Variants in PACSIN2 observed in about 807,000 individuals in gnomAD.
PACSIN2 encodes the protein protein kinase C and casein kinase substrate in neurons protein 2.
A neutral mutation model predicts 63.8 loss-of-function variants in PACSIN2; 25 were observed. That is an observed-to-expected ratio of 0.39 (90% CI 0.29 to 0.55). PACSIN2 has a LOEUF of 0.55. Ranked by LOEUF, PACSIN2 falls within the 20% of genes least tolerant of loss-of-function variation. The pLI is 0.62. For synonymous variants in PACSIN2, 255 were observed against 256.2 expected, an observed-to-expected ratio of 1.00 and a Z score of 0.05; for missense variants, 518 against 646.9, an observed-to-expected ratio of 0.80 and a Z score of 2.16.
rs565131660 is a variant in PACSIN2, at chr22:42,970,246, G to A, written c.-78+44775C>T. 1.5e-3 allele frequency among the ~76,000 whole-genome samples: 229 copies of A among 152,332 alleles called. 2 individuals carry two copies. Among genetic ancestry groups the A allele is most frequent in the Admixed American group, 0.015 (227 of 15,294 alleles). On this transcript the variant is annotated intron_variant, in intron 1 of 10. Transcript: ENST00000263246. ...CGCAAGGTTAACATCACGGTGGTGA[G>A]TCATGGCAGTATCAGGTGCCTCCTG...
At chr22:42,903,274 T>C (rs1049126331) in intron 2 of PACSIN2, among the ~76,000 whole-genome samples, 8 of 152,352 alleles carry the variant, frequency 5.3e-5, no homozygotes, top group Admixed American at 5.2e-4. Flanking sequence ...TGCGTGTGCC[T>C]GGCAGATGTT....
chr22:42,896,579 A>T (rs766599075), intron 2 of PACSIN2, among the ~76,000 whole-genome samples: 1 of 152,250 alleles, frequency 6.6e-6, no homozygotes, highest in Non-Finnish European at 1.5e-5. Flanking sequence ...TTATGAATAA[A>T]GAAGCTATAA....
intron 1 of PACSIN2, among the ~76,000 whole-genome samples, chr22:42,987,932 G>A (rs1490012524): frequency 6.6e-6 from 1 of 152,086 alleles, no homozygotes; most frequent in African/African-American, 2.4e-5. Context: ...CTTGAGGTCA[G>A]GAGTTCAAGA....
At position 42,884,376 on chromosome 22, in the gene PACSIN2, G is replaced by GGTTT. The variant is rs748454787; in HGVS notation, c.785+9_785+10insAAAC. 1 of 1,607,266 alleles carries GGTTT rather than the reference G, an allele frequency of 6.2e-7. No homozygotes were observed. The highest frequency in any genetic ancestry group is 1.1e-5 in the South Asian group (1 of 90,202). On this transcript the variant is annotated intron_variant, in intron 6 of 10. Transcript: ENST00000263246. ...AATGACGTGTGTGTTTTAGCTCAAA[G>GGTTT]GAAACTTACCCAGCCACATTGGACA...
chr22:42,912,165 T>C lies in PACSIN2; in HGVS notation c.-77-8A>G. ...CAAAATCTGTAGACAAACCTATAAA[T>C]GAAAAACATATAACATAGTGGTTTT... is the stretch of plus-strand genomic sequence containing the variant. On this transcript the variant is annotated splice_region_variant and splice_polypyrimidine_tract_variant and intron_variant, in intron 1 of 10. Transcript: ENST00000263246. 1.1e-6 allele frequency: 1 copy of C among 883,052 alleles called. No individual in the cohort carries two copies. The highest frequency in any genetic ancestry group is 1.8e-6 in the Non-Finnish European group (1 of 568,988). 54.7% of individuals were successfully genotyped at this position (883,052 alleles called of 1,614,324 possible).
At chr22:42,908,651 A>G (rs1019200080) in intron 2 of PACSIN2, among the ~76,000 whole-genome samples, 5 of 152,204 alleles carry the variant, frequency 3.3e-5, no homozygotes, top group Non-Finnish European at 7.4e-5. Flanking sequence ...AACTGCCTCC[A>G]CTTGGCCCCC....
intron 1 of PACSIN2, among the ~76,000 whole-genome samples, chr22:42,982,887 A>ACAAAAAAAAAAAC (rs1555943673): frequency 7.7e-6 from 1 of 129,498 alleles, no homozygotes; most frequent in Non-Finnish European, 1.7e-5. Context: ...AAAAAAAAAA[A>ACAAAAAAAAAAAC]AAACAACAAC....
At chr22:42,926,643 T>C (rs774029293) in intron 1 of PACSIN2, among the ~76,000 whole-genome samples, 1 of 150,248 alleles carries the variant, frequency 6.7e-6, no homozygotes, top group Non-Finnish European at 1.5e-5. Context: ...TCACTCAACA[T>C]GACAGACCAA....
In PACSIN2 at chr22:42,879,083, CTGGT is replaced by C. The variant is rs1569209739; in HGVS notation, c.989_992del (p.Asn330ArgfsTer55). On this transcript the variant is annotated frameshift_variant, in exon 8 of 11. Coordinates refer to ENST00000263246, the MANE Select transcript of PACSIN2 (RefSeq NM_001184970.3). LOFTEE classifies it high-confidence loss of function. Reference sequence around the variant, plus strand: ...TACTCGGCAGAGACTGGTCGCCTGTCTGGTTGATGCCCGTCAGGGTGACGCCGTC... The same window carrying C: ...TACTCGGCAGAGACTGGTCGCCTGTCTGATGCCCGTCAGGGTGACGCCGTC... 1 of 1,614,148 alleles carries C rather than the reference CTGGT, an allele frequency of 6.2e-7. No individual in the cohort carries two copies. The highest frequency in any genetic ancestry group is 8.5e-7 in the Non-Finnish European group (1 of 1,179,998).
intron 8 of PACSIN2, 89 bp from the exon 9 acceptor site, chr22:42,877,099 C>G: frequency 7.1e-7 from 1 of 1,417,128 alleles, no homozygotes; most frequent in Non-Finnish European, 9.9e-7. Flanking sequence ...TCTCAAGAGA[C>G]AAATCAGCTC....
chr22:42,989,987 T>C (rs1014920706), intron 1 of PACSIN2, among the ~76,000 whole-genome samples: 1 of 116,284 alleles, frequency 8.6e-6, no homozygotes, highest in Non-Finnish European at 1.8e-5. Flanking sequence ...GATATATTTA[T>C]ATATACATAT....
At chr22:42,922,606 T>C (rs1932268051) in intron 1 of PACSIN2, among the ~76,000 whole-genome samples, 1 of 152,224 alleles carries the variant, frequency 6.6e-6, no homozygotes, top group African/African-American at 2.4e-5. Context: ...CTGCAGCTCG[T>C]TTCCTCTTCA....
intron 1 of PACSIN2, among the ~76,000 whole-genome samples, chr22:42,964,300 C>T (rs1263400364): frequency 6.6e-6 from 1 of 151,990 alleles, no homozygotes; most frequent in Non-Finnish European, 1.5e-5. Flanking sequence ...TGCCTGTAAT[C>T]TCAGCTACTC....
chr22:42,974,487 G>T (rs923267168), intron 1 of PACSIN2, among the ~76,000 whole-genome samples: 1 of 152,110 alleles, frequency 6.6e-6, no homozygotes, highest in Non-Finnish European at 1.5e-5. Flanking sequence ...GTGAGTAGGG[G>T]CAGAAGTACC....
intron 1 of PACSIN2, among the ~76,000 whole-genome samples, chr22:42,976,162 G>A (rs1279136316): frequency 6.6e-6 from 1 of 152,242 alleles, no homozygotes; most frequent in Non-Finnish European, 1.5e-5. Context: ...CCTAGAGGGA[G>A]TACAGAACCT....
chr22:42,919,938 T>TA (rs753694505), intron 1 of PACSIN2, among the ~76,000 whole-genome samples: 3,191 of 132,480 alleles, frequency 0.024, 44 homozygotes, highest in African/African-American at 0.043. Context: ...CCACCATCTC[T>TA]AAAAAAAAAA....
At position 42,870,204 on chromosome 22, in the gene PACSIN2, T is replaced by G. The variant is rs1927990205; in HGVS notation, c.*1153A>C. 1 of 152,182 alleles carries G rather than the reference T, an allele frequency of 6.6e-6. No individual in the cohort carries two copies. The highest frequency in any genetic ancestry group is 2.4e-5 in the African/African-American group (1 of 41,428). 9.4% of individuals were successfully genotyped at this position (152,182 alleles called of 1,614,324 possible). ...GCAACTACTGCAAAGACGCGGGCAC[T>G]TTTACAGTGTTCTGCTACGGAGCCA... On this transcript the variant is annotated 3_prime_UTR_variant, in exon 11 of 11. Transcript: ENST00000263246.
chr22:42,916,170 C>T (rs559130289), intron 1 of PACSIN2, among the ~76,000 whole-genome samples: 33 of 152,270 alleles, frequency 2.2e-4, no homozygotes, highest in African/African-American at 7.9e-4. Flanking sequence ...CTCAGTACCC[C>T]CAGGTCACAG....
At chr22:42,932,209 C>T (rs1932793021) in intron 1 of PACSIN2, among the ~76,000 whole-genome samples, 1 of 152,198 alleles carries the variant, frequency 6.6e-6, no homozygotes, top group African/African-American at 2.4e-5. Context: ...CTCATCCCTG[C>T]CTCAGAGCCT....
Sources: allele counts gnomAD v4.1 joint callset (sites outside exome capture counted in the v4.1 genomes callset), GRCh38; gene constraint gnomAD v4.1.1; transcripts MANE v1.5; gene names NCBI Gene and HGNC (gene_info 2026-07-23, HGNC 2026-07-21).